Variants in MTMR1 observed in about 807,000 individuals in gnomAD.
MTMR1 encodes the protein myotubularin related protein 1.
Under a neutral mutation model 51.6 loss-of-function variants are expected in MTMR1, and 17 were observed. The observed-to-expected ratio is 0.33, with a 90% CI of 0.23 to 0.49. The LOEUF (loss-of-function observed/expected upper bound fraction) is 0.49, where lower values mean the gene tolerates loss of function less well. Ranked by LOEUF, MTMR1 falls within the 20% of genes least tolerant of loss-of-function variation. The pLI is 0.99. For synonymous variants in MTMR1, 201 were observed against 205.6 expected (o/e 0.98, Z 0.19); for missense variants, 386 against 526.9 (o/e 0.73, Z 2.62).
rs1384872069 is a variant in MTMR1, at chrX:150,737,320, G to A, written c.1345G>A (p.Gly449Ser). 19 of 1,211,403 alleles carry A rather than the reference G, an allele frequency of 1.6e-5. No homozygotes were observed. Among genetic ancestry groups the A allele is most frequent in the Non-Finnish European group, 2.0e-5 (18 of 895,265 alleles). The change falls in exon 12 of 16, where the codon GGT becomes AGT. Residue 449 changes from glycine to serine, a missense_variant. Coordinates refer to ENST00000445323, the MANE Select transcript of MTMR1 (RefSeq NM_001306144.3). ...ATCTGTGGTGGTGCATTGCAGCGAC[G>A]GTTGGGACCGAACAGCCCAGCTCAC... The part of the protein sequence containing the change: ...KTSVVVHCSD[G>S]WDRTAQLTSL...
chrX:150,722,833 T>C (rs1212641586), intron 4 of MTMR1, among the ~76,000 whole-genome samples: 1 of 110,616 alleles, frequency 9.0e-6, no homozygotes, highest in Non-Finnish European at 1.9e-5. Flanking sequence ...TTGAGTACTT[T>C]TGTTTTAAAC....
At chrX:150,719,998 T>A (rs1282328452) in intron 4 of MTMR1, among the ~76,000 whole-genome samples, 1 of 111,855 alleles carries the variant, frequency 8.9e-6, no homozygotes, top group Non-Finnish European at 1.9e-5. Flanking sequence ...ATTGGAAATA[T>A]CTTAGAGTTA....
chrX:150,738,599 C>T (rs1411796189), intron 12 of MTMR1, among the ~76,000 whole-genome samples: 1 of 111,592 alleles, frequency 9.0e-6, no homozygotes, highest in East Asian at 2.8e-4. Context: ...ATATGGCCAC[C>T]CTCTGGCTAC....
At chrX:150,694,005 T>A (rs1389613746) in intron 1 of MTMR1, among the ~76,000 whole-genome samples, 2 of 111,889 alleles carry the variant, frequency 1.8e-5, no homozygotes, top group Non-Finnish European at 3.8e-5. Flanking sequence ...ATCGCTTGGC[T>A]GTCCCTGCCC....
Position 150,737,316 on chromosome X carries a change from C to G in MTMR1, c.1341C>G (p.Ser447Arg), listed in dbSNP as rs782741204. 1.7e-6 allele frequency: 2 copies of G among 1,211,216 alleles called. No individual in the cohort carries two copies. The highest frequency in any genetic ancestry group is 3.5e-5 in the South Asian group (2 of 56,987). ...AAACATCTGTGGTGGTGCATTGCAG[C>G]GACGGTTGGGACCGAACAGCCCAGC... is the stretch of plus-strand genomic sequence containing the variant. ...SGKTSVVVHCSDGWDRTAQLT... is the reference protein window; with the variant it reads ...SGKTSVVVHCRDGWDRTAQLT... Residue 447 changes from serine (S) to arginine (R), a missense_variant, in exon 12 of 16, where the codon AGC becomes AGG. Transcript: ENST00000445323.
intron 6 of MTMR1, among the ~76,000 whole-genome samples, chrX:150,728,164 T>C (rs5925412): frequency 0.27 from 29,814 of 111,534 alleles, 3,127 homozygotes; most frequent in South Asian, 0.51. Flanking sequence ...TAATAACTAA[T>C]ACAGTGTAAA....
intron 13 of MTMR1, among the ~76,000 whole-genome samples, chrX:150,747,678 A>T (rs2042614018): frequency 2.7e-5 from 3 of 111,380 alleles, no homozygotes; most frequent in Non-Finnish European, 5.6e-5. Context: ...CCCCCTGAGT[A>T]TAAATGGCAG....
intron 3 of MTMR1, among the ~76,000 whole-genome samples, chrX:150,717,820 T>C (rs1344831439): frequency 8.9e-6 from 1 of 112,701 alleles, no homozygotes; most frequent in Non-Finnish European, 1.9e-5. Context: ...TTTCCTAGCA[T>C]CATTGTAGCC....
At chrX:150,734,095 G>A (rs957855755) in intron 10 of MTMR1, among the ~76,000 whole-genome samples, 2 of 112,280 alleles carry the variant, frequency 1.8e-5, no homozygotes, top group Admixed American at 9.4e-5. Flanking sequence ...CCAGCATGGG[G>A]TGGCTGCCCC....
At chrX:150,727,055 A>G (rs1036338073) in intron 4 of MTMR1, 160 bp from the exon 5 acceptor site, 3 of 333,159 alleles carry the variant, frequency 9.0e-6, no homozygotes, top group Middle Eastern at 4.7e-4. Flanking sequence ...TTAGAAGACT[A>G]TGCATCTCTC....
chrX:150,723,372 T>G (rs944072405), intron 4 of MTMR1, among the ~76,000 whole-genome samples: 2 of 110,791 alleles, frequency 1.8e-5, no homozygotes, highest in Non-Finnish European at 3.8e-5. Context: ...ATGTACCCAG[T>G]AATGGGATGG....
At chrX:150,740,283 C>G (rs782394168) in intron 12 of MTMR1, among the ~76,000 whole-genome samples, 17 of 111,865 alleles carry the variant, frequency 1.5e-4, no homozygotes, top group African/African-American at 5.2e-4. Flanking sequence ...GCCCGCCCCC[C>G]CACAATCTGG....
At chrX:150,710,405 AG>A (rs782213987) in intron 2 of MTMR1, among the ~76,000 whole-genome samples, 4 of 111,439 alleles carry the variant, frequency 3.6e-5, no homozygotes, top group Non-Finnish European at 5.7e-5. Context: ...GCTCTCACCC[AG>A]GCTGGAGTGC....
rs781969857 is a variant in MTMR1 at position 150,695,437 on chromosome X, G to C, written c.146+1761G>C. On this transcript the variant is annotated intron_variant, in intron 1 of 15. Coordinates refer to ENST00000445323, the MANE Select transcript of MTMR1 (RefSeq NM_001306144.3). ...GTAAGCCAAGTGAGATGGTGGTCCAGAGTGGAGCGGAGGAGGGGAGAAGTG... is the reference window on the plus strand; with the variant it reads ...GTAAGCCAAGTGAGATGGTGGTCCACAGTGGAGCGGAGGAGGGGAGAAGTG... 6.8e-4 allele frequency among the ~76,000 whole-genome samples: 76 copies of C among 112,347 alleles called. 1 individual carries two copies. Among genetic ancestry groups the C allele is most frequent in the Non-Finnish European group, 8.1e-4 (43 of 53,216 alleles).
intron 1 of MTMR1, 94 bp from the exon 2 acceptor site, chrX:150,699,100 TA>T: frequency 6.7e-6 from 3 of 447,052 alleles, no homozygotes; most frequent in Non-Finnish European, 1.1e-5. Flanking sequence ...TTAGTTCATC[TA>T]AAAAAAGAAG....
chrX:150,724,359 C>A (rs1488138803), intron 4 of MTMR1, among the ~76,000 whole-genome samples: 1 of 110,097 alleles, frequency 9.1e-6, no homozygotes, highest in Non-Finnish European at 1.9e-5. Context: ...GCTTTTTTTT[C>A]ATATGCTTAT....
intron 12 of MTMR1, among the ~76,000 whole-genome samples, chrX:150,738,250 G>T (rs2042332691): frequency 8.9e-6 from 1 of 111,916 alleles, no homozygotes; most frequent in Non-Finnish European, 1.9e-5. Flanking sequence ...TCCCATGACT[G>T]AGTTACTTCA....
In MTMR1 at chrX:150,693,481, C is replaced by T. The variant is rs2040547043; in HGVS notation, c.-50C>T. The T allele has an allele frequency of 1.3e-6, 1 of 762,506 alleles. No homozygotes were observed. The allele number at this position is 762,506 out of a possible 1,213,427, so 62.8% of individuals were successfully genotyped here. A position where few individuals can be genotyped will look rare whatever the true frequency, so the allele number is the denominator to read the frequency against. ...CAAGCAGCGAAACCTTCCCGGCCGC[C>T]GCTCCCGTCCCGACGGCGGCTTCCC... On this transcript the variant is annotated 5_prime_UTR_variant, in exon 1 of 16. Transcript: ENST00000445323.
intron 4 of MTMR1, among the ~76,000 whole-genome samples, chrX:150,726,137 C>T (rs1425575966): frequency 9.0e-6 from 1 of 111,618 alleles, no homozygotes; most frequent in African/African-American, 3.3e-5. Context: ...GCCTGAGCTC[C>T]GTCTCCTGTC....
Sources: allele counts gnomAD v4.1 joint callset (sites outside exome capture counted in the v4.1 genomes callset), GRCh38; gene constraint gnomAD v4.1.1; transcripts MANE v1.5; gene names NCBI Gene and HGNC (gene_info 2026-07-23, HGNC 2026-07-21).